The following GSTCD variants were observed in gnomAD, a reference collection of about 807,000 sequenced individuals.
GSTCD encodes glutathione S-transferase C-terminal domain containing, also known as glutathione S-transferase C-terminal domain-containing protein.
GSTCD carries 44 observed loss-of-function variants against 68.3 expected under a neutral mutation model. That is an observed-to-expected ratio of 0.64 (90% CI 0.51 to 0.83). The LOEUF is 0.83. GSTCD is among the 40% of genes least tolerant of loss of function. The probability of loss-of-function intolerance (pLI) is 0.00; values close to 1 mark genes in which losing one functional copy is unlikely to be tolerated. For missense variants in GSTCD, 739 were observed against 735.9 expected, an observed-to-expected ratio of 1.00 and a Z score of -0.05; for synonymous variants, 273 against 255.2, an observed-to-expected ratio of 1.07 and a Z score of -0.67.
chr4:105,762,589 C>CT (rs1734456015), intron 5 of GSTCD, among the ~76,000 whole-genome samples: 1 of 152,096 alleles, frequency 6.6e-6, no homozygotes, highest in South Asian at 2.1e-4. Flanking sequence ...GTGGGATATG[C>CT]TTAGTGCAGT....
chr4:105,784,037 GATGTTAAGT>G (rs1735375783), intron 5 of GSTCD, among the ~76,000 whole-genome samples: 1 of 152,190 alleles, frequency 6.6e-6, no homozygotes, highest in Admixed American at 6.5e-5. Context: ...TGTTAATGGT[GATGTTAAGT>G]ACCTAGTTAA....
At chr4:105,722,039 T>A (rs1341130472) in intron 3 of GSTCD, among the ~76,000 whole-genome samples, 3 of 152,144 alleles carry the variant, frequency 2.0e-5, no homozygotes, top group Non-Finnish European at 4.4e-5. Flanking sequence ...TTGACAGAAA[T>A]ATTTAAAACA....
intron 3 of GSTCD, among the ~76,000 whole-genome samples, chr4:105,724,840 T>C (rs1732978328): frequency 1.3e-5 from 2 of 152,014 alleles, no homozygotes; most frequent in African/African-American, 4.8e-5. Context: ...ACAGTTAAAC[T>C]AATTTGCATA....
At chr4:105,751,634 G>T (rs1175947213) in intron 5 of GSTCD, among the ~76,000 whole-genome samples, 1 of 152,114 alleles carries the variant, frequency 6.6e-6, no homozygotes, top group African/African-American at 2.4e-5. Context: ...TCTAGGAGTA[G>T]CTCAATAATT....
At chr4:105,716,220 CAT>C (rs1008899548) in intron 1 of GSTCD, among the ~76,000 whole-genome samples, 3 of 151,930 alleles carry the variant, frequency 2.0e-5, no homozygotes, top group African/African-American at 4.8e-5. Context: ...GAAGAAAAAA[CAT>C]AGATGGAAAT....
chr4:105,712,230 G>A (rs1282049985), intron 1 of GSTCD, among the ~76,000 whole-genome samples: 1 of 152,202 alleles, frequency 6.6e-6, no homozygotes, highest in African/African-American at 2.4e-5. Context: ...GCTAGGGTGT[G>A]CTTTTTCAAT....
At chr4:105,778,196 G>A (rs1311077418) in intron 5 of GSTCD, among the ~76,000 whole-genome samples, 1 of 152,112 alleles carries the variant, frequency 6.6e-6, no homozygotes, top group Non-Finnish European at 1.5e-5. Context: ...CCTACTCAAT[G>A]GGTCGGTTTG....
chr4:105,840,394 A>T, intron 10 of GSTCD: 1 of 251,038 alleles, frequency 4.0e-6, no homozygotes, highest in South Asian at 4.3e-5. Context: ...TTGTCATGAA[A>T]TTTTATAGTG....
Position 105,782,458 on chromosome 4 carries a change from G to A in GSTCD, c.1241-40496G>A, listed in dbSNP as rs143356281. ...AGTGAGCCATGTTCATGCCACTGCA[G>A]TCCAGCCTGGGCAACAGAGTGAGAC... On this transcript the variant is annotated intron_variant, in intron 5 of 11. Coordinates refer to ENST00000515279, the MANE Select transcript of GSTCD (RefSeq NM_001370181.1). Among the ~76,000 whole-genome samples the A allele has an allele frequency of 4.2e-3, 635 of 152,260 alleles. 2 individuals carry two copies. The highest frequency in any genetic ancestry group is 0.024 in the Middle Eastern group (7 of 294).
At chr4:105,839,576 A>G (rs1724254926) in intron 10 of GSTCD, among the ~76,000 whole-genome samples, 1 of 152,168 alleles carries the variant, frequency 6.6e-6, no homozygotes, top group Non-Finnish European at 1.5e-5. Flanking sequence ...CAGAGGTTGC[A>G]GTGAGCTGAG....
At chr4:105,801,099 C>T (rs1471558644) in intron 5 of GSTCD, among the ~76,000 whole-genome samples, 4 of 152,006 alleles carry the variant, frequency 2.6e-5, no homozygotes, top group African/African-American at 9.7e-5. Flanking sequence ...AAATGTAGAA[C>T]TAAATGGACC....
chr4:105,759,056 A>G (rs1346878395), intron 5 of GSTCD, among the ~76,000 whole-genome samples: 4 of 152,136 alleles, frequency 2.6e-5, no homozygotes, highest in African/African-American at 7.2e-5. Flanking sequence ...TTTTAATTTC[A>G]GTTACCAACA....
At chr4:105,748,816 G>A (rs1421400919) in intron 5 of GSTCD, among the ~76,000 whole-genome samples, 9 of 149,932 alleles carry the variant, frequency 6.0e-5, no homozygotes, top group African/African-American at 2.2e-4. Context: ...GAAAGTTAGA[G>A]AAGTCAGCCA....
intron 5 of GSTCD, 123 bp from the exon 6 acceptor site, chr4:105,822,823 ATATGTATG>A: frequency 1.8e-6 from 1 of 552,994 alleles, no homozygotes; most frequent in Admixed American, 3.3e-5. Flanking sequence ...TTATTATTTT[ATATGTATG>A]TATGTATGTG....
intron 5 of GSTCD, among the ~76,000 whole-genome samples, chr4:105,742,652 A>G (rs1733666988): frequency 6.6e-6 from 1 of 151,916 alleles, no homozygotes; most frequent in Admixed American, 6.6e-5. Context: ...GTGAGAATTA[A>G]TTACTGCCTC....
At chr4:105,809,827 A>C (rs567243042) in intron 5 of GSTCD, among the ~76,000 whole-genome samples, 64 of 151,742 alleles carry the variant, frequency 4.2e-4, no homozygotes, top group African/African-American at 1.5e-3. Context: ...GACATTGTTT[A>C]CATTGTCTCA....
At chr4:105,742,956 T>C (rs1291800390) in intron 5 of GSTCD, among the ~76,000 whole-genome samples, 3 of 150,770 alleles carry the variant, frequency 2.0e-5, no homozygotes, top group Non-Finnish European at 3.0e-5. Flanking sequence ...CTCTCTCTTT[T>C]TTTTTTTTTT....
intron 5 of GSTCD, among the ~76,000 whole-genome samples, chr4:105,756,580 G>GTGTA (rs1266183702): frequency 4.9e-5 from 7 of 142,438 alleles, no homozygotes; most frequent in Non-Finnish European, 9.2e-5. Context: ...GTGTGTGTGT[G>GTGTA]TATATATATA....
intron 7 of GSTCD, among the ~76,000 whole-genome samples, chr4:105,824,695 A>G (rs1723496253): frequency 6.6e-6 from 1 of 152,134 alleles, no homozygotes; most frequent in Non-Finnish European, 1.5e-5. Context: ...CATACATTAC[A>G]GACTACTAAA....
Sources: allele counts gnomAD v4.1 joint callset (sites outside exome capture counted in the v4.1 genomes callset), GRCh38; gene constraint gnomAD v4.1.1; transcripts MANE v1.5; gene names NCBI Gene and HGNC (gene_info 2026-07-23, HGNC 2026-07-21).